ADGRL2: variants seen among roughly 807,000 people sequenced by gnomAD.
The protein encoded by ADGRL2 is adhesion G protein-coupled receptor L2, also known as calcium-independent alpha-latrotoxin receptor 2.
In ADGRL2, 44 loss-of-function variants were observed where a neutral mutation model predicts 157.4. That is an observed-to-expected ratio of 0.28 (90% CI 0.22 to 0.36). ADGRL2 has a LOEUF of 0.36. Among genes scored for constraint, ADGRL2 ranks in the 10% least tolerant of loss-of-function variants. The pLI is 1.00. For missense variants in ADGRL2, 1,510 were observed against 1,768.9 expected, an observed-to-expected ratio of 0.85 and a Z score of 2.63; for synonymous variants, 585 against 624.7, an observed-to-expected ratio of 0.94 and a Z score of 0.95.
At chr1:81,960,065 G>A (rs1279304119) in intron 11 of ADGRL2, among the ~76,000 whole-genome samples, 4 of 152,062 alleles carry the variant, frequency 2.6e-5, no homozygotes, top group Non-Finnish European at 5.9e-5. Context: ...CTCCCAAAGC[G>A]CTGGGATTAC....
At chr1:81,385,769 C>T (rs1289395093) in intron 1 of ADGRL2, among the ~76,000 whole-genome samples, 1 of 152,058 alleles carries the variant, frequency 6.6e-6, no homozygotes, top group Non-Finnish European at 1.5e-5. Flanking sequence ...TAAAGACGCT[C>T]TGCAATATTC....
chr1:81,524,107 T>C (rs79631621), intron 2 of ADGRL2, among the ~76,000 whole-genome samples: 1 of 151,810 alleles, frequency 6.6e-6, no homozygotes, highest in African/African-American at 2.4e-5. Flanking sequence ...ACGCCTGTAA[T>C]CCCAGCACTT....
At chr1:81,868,832 A>G (rs775017352) in intron 2 of ADGRL2, among the ~76,000 whole-genome samples, 1 of 152,068 alleles carries the variant, frequency 6.6e-6, no homozygotes, top group South Asian at 2.1e-4. Flanking sequence ...TGTTGGCTCT[A>G]TCTGGGCAGG....
At chr1:81,383,982 A>AG (rs2101067501) in intron 1 of ADGRL2, among the ~76,000 whole-genome samples, 1 of 151,294 alleles carries the variant, frequency 6.6e-6, no homozygotes, top group African/African-American at 2.4e-5. Flanking sequence ...AGAAAAGAAA[A>AG]AAAAGAAAAA....
chr1:81,803,790 T>G (rs750478864), intron 1 of ADGRL2, among the ~76,000 whole-genome samples: 30 of 152,196 alleles, frequency 2.0e-4, no homozygotes, highest in Non-Finnish European at 3.5e-4. Flanking sequence ...TTCTGCATTC[T>G]TTCAGTACGT....
upstream of ADGRL2, among the ~76,000 whole-genome samples, chr1:81,695,628 C>G (rs1034332595): frequency 6.6e-6 from 1 of 152,080 alleles, no homozygotes; most frequent in African/African-American, 2.4e-5. Flanking sequence ...AGAGACCAGC[C>G]TGGCCAATAT....
intron 1 of ADGRL2, among the ~76,000 whole-genome samples, chr1:81,338,225 CTG>C (rs1476405221): frequency 6.6e-6 from 1 of 151,880 alleles, no homozygotes; most frequent in African/African-American, 2.4e-5. Context: ...TAGCTGGACT[CTG>C]TGGTGCCAGC....
intron 3 of ADGRL2, among the ~76,000 whole-genome samples, chr1:81,631,342 G>A (rs1352808494): frequency 2.6e-5 from 4 of 151,760 alleles, no homozygotes; most frequent in South Asian, 2.1e-4. Context: ...TTAGCTTCCC[G>A]AGTAGCTGGA....
chr1:81,763,440 C>A (rs2085972377), intron 2 of ADGRL2, among the ~76,000 whole-genome samples: 1 of 151,376 alleles, frequency 6.6e-6, no homozygotes, highest in Non-Finnish European at 1.5e-5. Context: ...TAAAAATTAG[C>A]TAGCTGGGTA....
intron 2 of ADGRL2, among the ~76,000 whole-genome samples, chr1:81,461,042 C>CCCT (rs376152975): frequency 1.0e-3 from 154 of 152,288 alleles, no homozygotes; most frequent in African/African-American, 3.6e-3. Flanking sequence ...TCTGCTTGCC[C>CCCT]AGGGCAGCAT....
intron 1 of ADGRL2, among the ~76,000 whole-genome samples, chr1:81,376,534 T>G (rs1259937638): frequency 6.6e-6 from 1 of 152,030 alleles, no homozygotes; most frequent in Non-Finnish European, 1.5e-5. Context: ...CTTCTTTTCT[T>G]CCTTCCTTTC....
intron 1 of ADGRL2, among the ~76,000 whole-genome samples, chr1:81,421,608 G>T (rs1262025590): frequency 2.0e-5 from 3 of 152,054 alleles, no homozygotes; most frequent in Middle Eastern, 3.2e-3. Flanking sequence ...TTGCCCACGT[G>T]AGTATTTGAG....
chr1:81,462,548 T>C (rs1346068340), intron 2 of ADGRL2, among the ~76,000 whole-genome samples: 1 of 152,118 alleles, frequency 6.6e-6, no homozygotes, highest in Non-Finnish European at 1.5e-5. Flanking sequence ...GGTGATTAAT[T>C]TTTTTCCTAC....
intron 1 of ADGRL2, among the ~76,000 whole-genome samples, chr1:81,374,474 A>G (rs1408937307): frequency 6.6e-6 from 1 of 150,844 alleles, no homozygotes; most frequent in African/African-American, 2.4e-5. Context: ...CAGGAGGCTG[A>G]GGTGAGAGAA....
chr1:81,928,408 A>C (rs1015004177), intron 3 of ADGRL2, among the ~76,000 whole-genome samples: 1 of 152,134 alleles, frequency 6.6e-6, no homozygotes, highest in African/African-American at 2.4e-5. Context: ...AGAAATAGCC[A>C]GATAATCATT....
chr1:81,882,192 A>G (rs982142975), intron 2 of ADGRL2, among the ~76,000 whole-genome samples: 1 of 152,186 alleles, frequency 6.6e-6, no homozygotes, highest in African/African-American at 2.4e-5. Flanking sequence ...TTGGTGTTAC[A>G]GATGTGTTTT....
intron 1 of ADGRL2, among the ~76,000 whole-genome samples, chr1:81,749,197 G>T (rs936578078): frequency 2.0e-5 from 3 of 151,768 alleles, no homozygotes; most frequent in South Asian, 2.1e-4. Context: ...TTACCATTTT[G>T]ATTGCTATCT....
Position 81,991,500 on chromosome 1 carries a change from C to T in ADGRL2, c.*355C>T, listed in dbSNP as rs1664593524. Reference sequence around the variant, plus strand: ...ACTAAATTTGTAAATATGGCTGCACCATTTTTGTAGGCCTGCATTGTATTA... The same window carrying T: ...ACTAAATTTGTAAATATGGCTGCACTATTTTTGTAGGCCTGCATTGTATTA... On this transcript the variant is annotated 3_prime_UTR_variant, in exon 24 of 24. Transcript: ENST00000686636. The T allele has an allele frequency of 5.5e-6, 1 of 182,066 alleles. No individual in the cohort carries two copies. The highest frequency in any genetic ancestry group is 2.8e-3 in the Middle Eastern group (1 of 356). The allele number at this position is 182,066 out of a possible 1,614,324, so 11.3% of individuals were successfully genotyped here.
Position 81,981,823 on chromosome 1 carries a change from C to T in ADGRL2, c.3129C>T (p.Gly1043=), listed in dbSNP as rs765801145. The T allele has an allele frequency of 1.8e-5, 29 of 1,607,218 alleles. No individual in the cohort carries two copies. Among genetic ancestry groups the T allele is most frequent in the Middle Eastern group, 3.3e-4 (2 of 6,040 alleles). ...RLENIKSWVL[G]AFALLCLLGL... ...ATTTTTCCAGGTCTTGGGTGCTTGGCGCTTTCGCTCTTCTGTGTCTTCTTG... is the reference window on the plus strand; with the variant it reads ...ATTTTTCCAGGTCTTGGGTGCTTGGTGCTTTCGCTCTTCTGTGTCTTCTTG... Residue 1043 remains glycine (G), a synonymous_variant, in exon 19 of 24, where the codon GGC becomes GGT. Coordinates refer to ENST00000686636, the MANE Select transcript of ADGRL2 (RefSeq NM_001366006.2).
Sources: allele counts gnomAD v4.1 joint callset (sites outside exome capture counted in the v4.1 genomes callset), GRCh38; gene constraint gnomAD v4.1.1; transcripts MANE v1.5; gene names NCBI Gene and HGNC (gene_info 2026-07-23, HGNC 2026-07-21).